APP: variants seen among roughly 807,000 people sequenced by gnomAD.
APP encodes the protein amyloid-beta precursor protein.
In APP, 31 loss-of-function variants were observed where a neutral mutation model predicts 101.4. The observed-to-expected ratio is 0.31, with a 90% CI of 0.23 to 0.41. APP has a LOEUF of 0.41. Ranked by LOEUF, APP falls within the 10% of genes least tolerant of loss-of-function variation. APP has a pLI of 1.00. For missense variants in APP, 839 were observed against 1,003.7 expected, an observed-to-expected ratio of 0.84 and a Z score of 2.22; for synonymous variants, 366 against 364.4, an observed-to-expected ratio of 1.00 and a Z score of -0.05.
intron 1 of APP, chr21:26,140,205 G>A: frequency 6.5e-7 from 1 of 1,536,096 alleles, no homozygotes; most frequent in Non-Finnish European, 8.7e-7. Flanking sequence ...TTGAATCTGG[G>A]GAAGAGCTGG....
chr21:25,896,225 T>G (rs2829975), intron 16 of APP, among the ~76,000 whole-genome samples: 17,952 of 152,118 alleles, frequency 0.12, 1,067 homozygotes, highest in South Asian at 0.15. Flanking sequence ...TAAATGTCTT[T>G]CTACAAAAAA....
chr21:26,009,170 G>A (rs2043670759), intron 6 of APP, among the ~76,000 whole-genome samples: 1 of 152,214 alleles, frequency 6.6e-6, no homozygotes, highest in Non-Finnish European at 1.5e-5. Context: ...AGTTAGGGAA[G>A]AATTAGTAAA....
chr21:26,092,401 A>C (rs2061843761), intron 2 of APP, among the ~76,000 whole-genome samples: 1 of 152,302 alleles, frequency 6.6e-6, no homozygotes, highest in African/African-American at 2.4e-5. Context: ...TTGCTAAGTG[A>C]AAGAAGCCCA....
intron 1 of APP, among the ~76,000 whole-genome samples, chr21:26,123,485 T>C (rs1236440373): frequency 6.6e-6 from 1 of 152,228 alleles, no homozygotes; most frequent in African/African-American, 2.4e-5. Context: ...AGGTTTAAAT[T>C]CCAGGTTATT....
intron 17 of APP, among the ~76,000 whole-genome samples, chr21:25,888,804 A>G (rs1424238432): frequency 3.3e-5 from 5 of 152,224 alleles, no homozygotes; most frequent in Admixed American, 3.3e-4. Flanking sequence ...AGGCAGCTGG[A>G]AGAGCACTTA....
chr21:26,055,255 A>G (rs1249949536), intron 3 of APP, among the ~76,000 whole-genome samples: 2 of 152,164 alleles, frequency 1.3e-5, no homozygotes, highest in Non-Finnish European at 2.9e-5. Context: ...TATAAACCTC[A>G]CTTCCCAGGG....
intron 9 of APP, among the ~76,000 whole-genome samples, chr21:25,978,251 A>T (rs781781818): frequency 6.6e-6 from 1 of 152,204 alleles, no homozygotes; most frequent in Non-Finnish European, 1.5e-5. Flanking sequence ...GCACCATCCC[A>T]CTAAGACTCT....
intron 1 of APP, among the ~76,000 whole-genome samples, chr21:26,156,772 A>C (rs188549184): frequency 6.6e-6 from 1 of 152,314 alleles, no homozygotes; most frequent in East Asian, 1.9e-4. Flanking sequence ...ACTATTAGAA[A>C]ATTATGCATG....
chr21:26,153,235 A>C (rs1240161207), intron 1 of APP, among the ~76,000 whole-genome samples: 1 of 152,184 alleles, frequency 6.6e-6, no homozygotes, highest in Non-Finnish European at 1.5e-5. Context: ...CTCAGAATTC[A>C]CCACTACGTA....
intron 6 of APP, among the ~76,000 whole-genome samples, chr21:26,020,480 T>C (rs537755390): frequency 2.6e-5 from 4 of 152,170 alleles, no homozygotes; most frequent in Non-Finnish European, 5.9e-5. Flanking sequence ...AAGAAAATAC[T>C]ATAGTGACAA....
intron 9 of APP, among the ~76,000 whole-genome samples, chr21:25,981,609 T>C (rs1368356980): frequency 6.6e-6 from 1 of 152,020 alleles, no homozygotes. Flanking sequence ...GCTTCAATTG[T>C]AGTTGATAGT....
At chr21:26,015,541 G>A (rs776261078) in intron 6 of APP, among the ~76,000 whole-genome samples, 6 of 152,152 alleles carry the variant, frequency 3.9e-5, no homozygotes, top group Non-Finnish European at 8.8e-5. Context: ...ATGATGGTAA[G>A]CGTTTAACAT....
Position 26,164,740 on chromosome 21 carries a change from C to A in APP, c.57+5824G>T, listed in dbSNP as rs1017727957. ...GCATGGTGGCGAGTGCCCATAGTCC[C>A]AGCTACTCAGGAGGCTGAGGCAGGA... is the stretch of plus-strand genomic sequence containing the variant. On this transcript the variant is annotated intron_variant, in intron 1 of 17. Coordinates refer to ENST00000346798, the MANE Select transcript of APP (RefSeq NM_000484.4). Among the ~76,000 whole-genome samples the A allele has an allele frequency of 3.3e-5, 5 of 151,840 alleles. No individual in the cohort carries two copies. The East Asian group carries it at 7.7e-4, about 24-fold the overall frequency.
intron 3 of APP, among the ~76,000 whole-genome samples, chr21:26,054,236 A>G (rs2045948207): frequency 6.7e-6 from 1 of 148,272 alleles, no homozygotes. Context: ...AATATTCGAG[A>G]TGAATCTGAA....
chr21:25,929,254 G>T (rs1354914729), intron 13 of APP, among the ~76,000 whole-genome samples: 1 of 152,094 alleles, frequency 6.6e-6, no homozygotes, highest in Non-Finnish European at 1.5e-5. Context: ...TGACTTCACT[G>T]TGAGTCTTCT....
intron 3 of APP, among the ~76,000 whole-genome samples, chr21:26,056,840 G>A (rs1191028778): frequency 6.6e-6 from 1 of 152,120 alleles, no homozygotes; most frequent in Non-Finnish European, 1.5e-5. Context: ...GCAGTGGACA[G>A]CACTGCTTAC....
chr21:25,927,616 T>G (rs1451195470), intron 13 of APP, among the ~76,000 whole-genome samples: 1 of 152,144 alleles, frequency 6.6e-6, no homozygotes, highest in African/African-American at 2.4e-5. Flanking sequence ...TATTTTTGTT[T>G]AAAAATAACA....
At chr21:26,026,160 A>G (rs1055706867) in intron 5 of APP, among the ~76,000 whole-genome samples, 11 of 152,252 alleles carry the variant, frequency 7.2e-5, no homozygotes, top group African/African-American at 2.7e-4. Context: ...CTTACAAACA[A>G]TCAAATAACA....
At chr21:26,092,148 G>A (rs2061838737) in intron 2 of APP, among the ~76,000 whole-genome samples, 1 of 152,114 alleles carries the variant, frequency 6.6e-6, no homozygotes. Flanking sequence ...TGTTCATCAT[G>A]GAGTTTTTTT....
Sources: gnomAD v4.1 joint callset for allele counts (sites outside exome capture counted in the v4.1 genomes callset) on GRCh38, gnomAD v4.1.1 for gene constraint, MANE v1.5 for transcripts, NCBI Gene and HGNC (gene_info 2026-07-23, HGNC 2026-07-21) for gene names.